The following POC1B variants were observed in gnomAD, a reference collection of about 807,000 sequenced individuals.
POC1B encodes the protein POC1 centriolar protein homolog B.
POC1B carries 44 observed loss-of-function variants against 60.6 expected under a neutral mutation model. The observed-to-expected ratio is 0.73, with a 90% CI of 0.57 to 0.93. The LOEUF is 0.93. Among genes scored for constraint, POC1B ranks in the 40% least tolerant of loss-of-function variants. The pLI is 0.00. For missense variants in POC1B, 555 were observed against 572.3 expected, an observed-to-expected ratio of 0.97 and a Z score of 0.31; for synonymous variants, 180 against 198.9, an observed-to-expected ratio of 0.90 and a Z score of 0.80.
intron 3 of POC1B, among the ~76,000 whole-genome samples, chr12:89,493,833 A>C (rs1376782422): frequency 6.6e-6 from 1 of 152,204 alleles, no homozygotes; most frequent in Non-Finnish European, 1.5e-5. Flanking sequence ...ATCCAGTCTC[A>C]ACAGGAAACA....
In POC1B at chr12:89,466,832, G is replaced by A. The variant is rs756032468; in HGVS notation, c.970C>T (p.His324Tyr). 3 of 1,613,066 alleles carry A rather than the reference G, an allele frequency of 1.9e-6. No homozygotes were observed. The highest frequency in any genetic ancestry group is 2.5e-6 in the Non-Finnish European group (3 of 1,179,350). The change falls in exon 9 of 12, where the codon CAT (histidine) becomes TAT (tyrosine). Residue 324 changes from histidine to tyrosine, a missense_variant. By Grantham distance (83) the His-to-Tyr change is moderately conservative. Transcript: ENST00000313546. ...LKRLHFDSPP[H>Y]LLDIYPRTPH... ...GTTCTTGGGTAGATATCAAGAAGAT[G>A]TGGTGGTGAATCAAAATGTAATCTT...
chr12:89,472,155 A>G lies in POC1B; in HGVS notation c.560+13T>C. 1 of 1,497,578 alleles carries G rather than the reference A, an allele frequency of 6.7e-7. No homozygotes were observed. Among genetic ancestry groups the G allele is most frequent in the Non-Finnish European group, 9.2e-7 (1 of 1,083,658 alleles). 92.8% of individuals were successfully genotyped at this position (1,497,578 alleles called of 1,614,324 possible). On this transcript the variant is annotated intron_variant, in intron 5 of 11. Coordinates refer to ENST00000313546, the MANE Select transcript of POC1B (RefSeq NM_172240.3). ...AACTAACCCACATAAATGCACAAAG[A>G]AAGTGTACTTACCCAACGGAATCTG...
intron 3 of POC1B, 23 bp from the exon 4 acceptor site, chr12:89,492,138 T>C: frequency 6.8e-7 from 1 of 1,475,878 alleles, no homozygotes; most frequent in Non-Finnish European, 9.1e-7. Flanking sequence ...AGTTTAATAT[T>C]TATAACTCAT....
intron 2 of POC1B, among the ~76,000 whole-genome samples, chr12:89,507,057 G>A (rs74545980): frequency 0.02 from 3,079 of 151,794 alleles, 82 homozygotes; most frequent in African/African-American, 0.065. Flanking sequence ...GATCACTTCA[G>A]CCCAGAAGTC....
chr12:89,464,738 G>A (rs1184108004), intron 9 of POC1B, among the ~76,000 whole-genome samples: 1 of 150,006 alleles, frequency 6.7e-6, no homozygotes, highest in East Asian at 1.9e-4. Context: ...CGCCCACCTC[G>A]GCCTTCCAAA....
At chr12:89,517,868 A>G (rs1870527903) in intron 2 of POC1B, among the ~76,000 whole-genome samples, 1 of 152,152 alleles carries the variant, frequency 6.6e-6, no homozygotes, top group Admixed American at 6.5e-5. Flanking sequence ...TAACTAAATA[A>G]GGGAGTAGTA....
At chr12:89,417,276 G>C (rs1880379421), downstream of POC1B, among the ~76,000 whole-genome samples, 1 of 152,196 alleles carries the variant, frequency 6.6e-6, no homozygotes, top group African/African-American at 2.4e-5. Flanking sequence ...ACCTAACTCA[G>C]AGTAAGTGGT....
chr12:89,503,618 C>A (rs1317787641), intron 2 of POC1B, among the ~76,000 whole-genome samples: 2 of 151,080 alleles, frequency 1.3e-5, no homozygotes, highest in African/African-American at 4.9e-5. Flanking sequence ...GGCCGCCCAT[C>A]GTCTGAGATG....
intron 1 of POC1B, 40 bp from the exon 2 acceptor site, chr12:89,525,244 A>T (rs771838413): frequency 3.8e-6 from 6 of 1,584,602 alleles, no homozygotes; most frequent in Non-Finnish European, 2.6e-6. Flanking sequence ...GCCGCCGCAG[A>T]CCTCGAATTC....
At chr12:89,524,349 G>A in intron 2 of POC1B, 1 of 1,613,976 alleles carries the variant, frequency 6.2e-7, no homozygotes, top group East Asian at 2.2e-5. Context: ...AATCTGCAGG[G>A]GGCTTCTTAT....
At chr12:89,435,015 A>G (rs1349905018) in intron 10 of POC1B, among the ~76,000 whole-genome samples, 1 of 152,144 alleles carries the variant, frequency 6.6e-6, no homozygotes, top group Non-Finnish European at 1.5e-5. Context: ...CCATTGTTTT[A>G]CTGGATGAAA....
At chr12:89,464,121 A>G (rs1592604301) in intron 9 of POC1B, among the ~76,000 whole-genome samples, 1 of 152,234 alleles carries the variant, frequency 6.6e-6, no homozygotes, top group African/African-American at 2.4e-5. Context: ...TATTTTAATA[A>G]GATGTTTATT....
intron 10 of POC1B, among the ~76,000 whole-genome samples, chr12:89,436,155 G>C (rs1050532400): frequency 6.6e-6 from 1 of 151,870 alleles, no homozygotes; most frequent in Non-Finnish European, 1.5e-5. Context: ...ATGTTGGCCA[G>C]GATGGTCTTG....
At position 89,514,402 on chromosome 12, in the gene POC1B, C is replaced by CTTTTTTTTTTTTTT. The variant is rs60679774; in HGVS notation, c.100+10704_100+10717dup. Among the ~76,000 whole-genome samples the CTTTTTTTTTTTTTT allele has an allele frequency of 3.6e-3, 239 of 67,074 alleles. 28 individuals carry two copies. Among genetic ancestry groups the CTTTTTTTTTTTTTT allele is most frequent in the East Asian group, 5.3e-3 (11 of 2,080 alleles). 44.0% of individuals were successfully genotyped at this position (67,074 alleles called of 152,430 possible). ...ATAAGTTACTCAGTTTCATGTATTTCTTTTTTTTTTTTTTTTTTTTTTTTT... is the reference window on the plus strand; with the variant it reads ...ATAAGTTACTCAGTTTCATGTATTTCTTTTTTTTTTTTTTTTTTTTTTTTTTTTTTTTTTTTTTT... On this transcript the variant is annotated intron_variant, in intron 2 of 11. Transcript: ENST00000313546.
chr12:89,458,895 A>G (rs1344684), intron 10 of POC1B, among the ~76,000 whole-genome samples: 109,059 of 152,090 alleles, frequency 0.72, 39,215 homozygotes, highest in Middle Eastern at 0.82. Flanking sequence ...CTAAATGGAA[A>G]GGCTAAAATT....
At chr12:89,486,525 CAAAA>C (rs1198327363) in intron 4 of POC1B, among the ~76,000 whole-genome samples, 2 of 152,076 alleles carry the variant, frequency 1.3e-5, no homozygotes, top group East Asian at 1.9e-4. Flanking sequence ...CAGAAAGTGA[CAAAA>C]GAAAGATAGG....
At chr12:89,483,220 G>A (rs1868447546) in intron 4 of POC1B, among the ~76,000 whole-genome samples, 2 of 152,132 alleles carry the variant, frequency 1.3e-5, no homozygotes, top group South Asian at 4.1e-4. Context: ...TTTTTATAAT[G>A]AGTGAGTTCT....
chr12:89,412,684 A>G, the POC1B span, among the ~76,000 whole-genome samples: 1 of 152,146 alleles, frequency 6.6e-6, no homozygotes, highest in Non-Finnish European at 1.5e-5. Flanking sequence ...CTCAAAAAAA[A>G]AAAAAAGTTT....
At chr12:89,523,014 A>G (rs1164499578) in intron 2 of POC1B, 1 of 1,613,928 alleles carries the variant, frequency 6.2e-7, no homozygotes, top group Admixed American at 1.7e-5. Context: ...GCATTCCCAC[A>G]TAATTTTTTT....
Sources: gnomAD v4.1 joint callset for allele counts (sites outside exome capture counted in the v4.1 genomes callset) on GRCh38, gnomAD v4.1.1 for gene constraint, MANE v1.5 for transcripts, NCBI Gene and HGNC (gene_info 2026-07-23, HGNC 2026-07-21) for gene names.